Variants in ZNF362 observed in about 807,000 individuals in gnomAD.
ZNF362 encodes rotund homolog.
Under a neutral mutation model 42.9 loss-of-function variants are expected in ZNF362, and 11 were observed. The observed-to-expected ratio is 0.26, with a 90% CI of 0.16 to 0.42. The LOEUF (loss-of-function observed/expected upper bound fraction) is 0.42. ZNF362 is among the 20% of genes least tolerant of loss of function. The probability of loss-of-function intolerance (pLI) is 1.00; values close to 1 mark genes in which losing one functional copy is unlikely to be tolerated. For missense variants in ZNF362, 362 were observed against 576.2 expected (o/e 0.63, Z 3.81); for synonymous variants, 255 against 257.3 (o/e 0.99, Z 0.09).
At chr1:33,227,892 C>T in the ZNF362 span, among the ~76,000 whole-genome samples, 76 of 152,022 alleles carry the variant, frequency 5.0e-4, no homozygotes, top group Non-Finnish European at 8.2e-4. Flanking sequence ...ATTTACTGAG[C>T]GTGTTTCCTC....
At chr1:33,286,638 A>G (rs1646035022) in intron 6 of ZNF362, among the ~76,000 whole-genome samples, 2 of 152,208 alleles carry the variant, frequency 1.3e-5, no homozygotes, top group South Asian at 2.1e-4. Flanking sequence ...TTAAACTGAT[A>G]TGTCCTAACT....
At chr1:33,189,714 T>TAC in the ZNF362 span, among the ~76,000 whole-genome samples, 67 of 124,732 alleles carry the variant, frequency 5.4e-4, 3 homozygotes, top group Non-Finnish European at 9.3e-4. Context: ...TATACGTATA[T>TAC]ATATACATAC....
At chr1:33,198,774 A>C in the ZNF362 span, among the ~76,000 whole-genome samples, 1 of 152,206 alleles carries the variant, frequency 6.6e-6, no homozygotes, top group South Asian at 2.1e-4. Flanking sequence ...TTGTAACTGA[A>C]TTCCATATGT....
the ZNF362 span, among the ~76,000 whole-genome samples, chr1:33,219,611 A>G: frequency 6.6e-5 from 10 of 152,090 alleles, no homozygotes; most frequent in Non-Finnish European, 2.9e-5. Flanking sequence ...GAGGGGTGAG[A>G]CGGGGCATGC....
At chr1:33,189,645 ATATATATATATATATATATATATATATG>A in the ZNF362 span, among the ~76,000 whole-genome samples, 9 of 17,276 alleles carry the variant, frequency 5.2e-4, no homozygotes, top group Non-Finnish European at 8.6e-4. Context: ...ATATATATAT[ATATATATATATATATATATATATATATG>A]TATATATATA....
chr1:33,140,501 T>C, the ZNF362 span, among the ~76,000 whole-genome samples: 2 of 152,170 alleles, frequency 1.3e-5, no homozygotes, highest in African/African-American at 4.8e-5. This position sits in a 1 kb window ranked among gnomAD's most constrained non-coding sequence, Gnocchi z 4.0. Flanking sequence ...GCACAGGGGC[T>C]CAGCCTGCAG....
At chr1:33,188,344 C>T in the ZNF362 span, among the ~76,000 whole-genome samples, 1 of 152,198 alleles carries the variant, frequency 6.6e-6, no homozygotes, top group Non-Finnish European at 1.5e-5. Context: ...CAGGATGCAG[C>T]CCTGGTTGGT....
chr1:33,245,555 C>T, the ZNF362 span, among the ~76,000 whole-genome samples: 2 of 152,032 alleles, frequency 1.3e-5, no homozygotes, highest in Non-Finnish European at 2.9e-5. Flanking sequence ...AATTAAGGAT[C>T]GTGAGATGAG....
At chr1:33,130,548 G>A in the ZNF362 span, among the ~76,000 whole-genome samples, 12 of 152,256 alleles carry the variant, frequency 7.9e-5, no homozygotes, top group African/African-American at 2.6e-4. Context: ...GAGCTTGAAA[G>A]TAGATCCTCC....
the ZNF362 span, among the ~76,000 whole-genome samples, chr1:33,243,762 A>C: frequency 1.4e-5 from 2 of 142,872 alleles, no homozygotes. Context: ...ACAACTGGCC[A>C]ATTTTTTTTT....
chr1:33,272,716 C>A (rs1222512356), intron 2 of ZNF362, among the ~76,000 whole-genome samples: 1 of 152,118 alleles, frequency 6.6e-6, no homozygotes, highest in Non-Finnish European at 1.5e-5. Flanking sequence ...CTCTGCTTCA[C>A]TGCTCCCCTG....
intron 1 of ZNF362, among the ~76,000 whole-genome samples, chr1:33,268,851 C>T (rs1293789624): frequency 6.6e-6 from 1 of 152,128 alleles, no homozygotes; most frequent in Admixed American, 6.5e-5. Context: ...ATGGAGGGTC[C>T]TAGGAAGGGC....
At chr1:33,269,926 C>G (rs143148810) in intron 1 of ZNF362, among the ~76,000 whole-genome samples, 220 of 152,286 alleles carry the variant, frequency 1.4e-3, no homozygotes, top group Non-Finnish European at 2.5e-3. Context: ...CCCTCAGTTC[C>G]CCTCTCTGGA....
At chr1:33,160,406 T>C in the ZNF362 span, among the ~76,000 whole-genome samples, 1 of 151,292 alleles carries the variant, frequency 6.6e-6, no homozygotes. Flanking sequence ...TTTGCTTTTA[T>C]TATTATTAGT....
In ZNF362 at chr1:33,295,417, T is replaced by C; in HGVS notation, c.1146+112T>C. On this transcript the variant is annotated intron_variant, in intron 8 of 8. Transcript: ENST00000539719. ...CGACTCTTCCCATTTTCCAGACAAA[T>C]TGAGGCCTAGAGAAGGGAAGTGACA... is the stretch of plus-strand genomic sequence containing the variant. 1.4e-5 allele frequency: 11 copies of C among 760,136 alleles called. 1 individual carries two copies. The South Asian group carries it at 1.9e-4, about 13-fold the overall frequency. The allele number at this position is 760,136 out of a possible 1,614,324, so 47.1% of individuals were successfully genotyped here. A position where few individuals can be genotyped will look rare whatever the true frequency, so the allele number is the denominator to read the frequency against.
the ZNF362 span, among the ~76,000 whole-genome samples, chr1:33,241,514 G>T: frequency 2.7e-5 from 4 of 149,948 alleles, no homozygotes; most frequent in East Asian, 7.8e-4. Context: ...AAAAAAAGAT[G>T]TACGAATAAA....
At chr1:33,273,486 C>T (rs1200441139) in intron 2 of ZNF362, among the ~76,000 whole-genome samples, 1 of 152,168 alleles carries the variant, frequency 6.6e-6, no homozygotes, top group Non-Finnish European at 1.5e-5. Context: ...CTGAACTTGG[C>T]ATTGAACTGA....
At chr1:33,269,597 T>C (rs112359972) in intron 1 of ZNF362, among the ~76,000 whole-genome samples, 3,098 of 152,262 alleles carry the variant, frequency 0.02, 96 homozygotes, top group African/African-American at 0.071. Context: ...AGTGTAGTGG[T>C]GTGATCATGG....
chr1:33,158,691 G>C, the ZNF362 span, among the ~76,000 whole-genome samples: 4 of 152,152 alleles, frequency 2.6e-5, no homozygotes, highest in Non-Finnish European at 1.5e-5. Context: ...AATCAGTATT[G>C]ATCACCAACA....
Sources: gnomAD v4.1 joint callset for allele counts (sites outside exome capture counted in the v4.1 genomes callset) on GRCh38, gnomAD v4.1.1 for gene constraint, Gnocchi (gnomAD v3.1) non-coding constraint, MANE v1.5 for transcripts, NCBI Gene and HGNC (gene_info 2026-07-23, HGNC 2026-07-21) for gene names.